INSR: variants seen among roughly 807,000 people sequenced by gnomAD.
INSR encodes IR.
In INSR, 67 loss-of-function variants were observed where a neutral mutation model predicts 142.6. The observed-to-expected ratio is 0.47, with a 90% CI of 0.39 to 0.58. The LOEUF is 0.58. Among genes scored for constraint, INSR ranks in the 20% least tolerant of loss-of-function variants. INSR has a pLI of 0.00. For synonymous variants in INSR, 756 were observed against 743.1 expected (o/e 1.02, Z -0.28); for missense variants, 1,248 against 1,833.2 (o/e 0.68, Z 5.83).
At chr19:7,203,620 C>T (rs1396756888) in intron 2 of INSR, among the ~76,000 whole-genome samples, 1 of 152,108 alleles carries the variant, frequency 6.6e-6, no homozygotes, top group Non-Finnish European at 1.5e-5. Flanking sequence ...CACAGGTTGA[C>T]AGTTTTCCCG....
In INSR at chr19:7,128,784, A is replaced by T. The variant is rs1972706580; in HGVS notation, c.2945+68T>A. The T allele has an allele frequency of 4.8e-6, 5 of 1,032,778 alleles. No individual in the cohort carries two copies. In the African/African-American group the frequency reaches 6.3e-5, roughly 13 times the overall value. 64.0% of individuals were successfully genotyped at this position (1,032,778 alleles called of 1,614,324 possible). A position where few individuals can be genotyped will look rare whatever the true frequency, so the allele number is the denominator to read the frequency against. Reference sequence around the variant, plus strand: ...AATAAACTTAAATATGCCTATACCTATATCAAGGCATGTTTTCCCCCAGAG... The same window carrying T: ...AATAAACTTAAATATGCCTATACCTTTATCAAGGCATGTTTTCCCCCAGAG... On this transcript the variant is annotated intron_variant, in intron 15 of 21. Transcript: ENST00000302850.
chr19:7,256,315 G>C (rs938763984), intron 2 of INSR, among the ~76,000 whole-genome samples: 5 of 152,030 alleles, frequency 3.3e-5, no homozygotes, highest in Admixed American at 1.3e-4. Context: ...CGGGTGTGGT[G>C]GTGGGCGCCT....
chr19:7,217,591 C>T lies in INSR; in HGVS notation c.653-32954G>A, dbSNP rs144791540. Among the ~76,000 whole-genome samples the T allele has an allele frequency of 4.8e-3, 727 of 152,310 alleles. 14 individuals are homozygous for T. The highest frequency in any genetic ancestry group is 0.046 in the East Asian group (239 of 5,188). On this transcript the variant is annotated intron_variant, in intron 2 of 21. Coordinates refer to ENST00000302850, the MANE Select transcript of INSR (RefSeq NM_000208.4). ...TTTTCTTTTTTGAGACGGAGTCTCG[C>T]TCTGTCTGCCAGGCTGGAGTGCAGT...
chr19:7,185,533 C>T (rs1308068737), intron 2 of INSR, among the ~76,000 whole-genome samples: 1 of 152,036 alleles, frequency 6.6e-6, no homozygotes, highest in Admixed American at 6.6e-5. Flanking sequence ...ATGGAGGAGA[C>T]ATGTTAGTTA....
At chr19:7,240,555 G>A (rs2145149147) in intron 2 of INSR, among the ~76,000 whole-genome samples, 1 of 152,320 alleles carries the variant, frequency 6.6e-6, no homozygotes, top group South Asian at 2.1e-4. Context: ...GGTGACAAGA[G>A]TGAAACTCGT....
In INSR at chr19:7,168,907, G is replaced by A. The variant is rs115273483; in HGVS notation, c.1484-813C>T. On this transcript the variant is annotated intron_variant, in intron 6 of 21. Transcript: ENST00000302850. This position sits in a 1 kb window ranked among gnomAD's most constrained non-coding sequence, Gnocchi z 4.3. Reference sequence around the variant, plus strand: ...GCGTGAGCCACCATGCCCAGCCCTTGCACTACATTTTGACATAAGTAACTA... The same window carrying A: ...GCGTGAGCCACCATGCCCAGCCCTTACACTACATTTTGACATAAGTAACTA... Among the ~76,000 whole-genome samples, 503 of 152,174 alleles carry A rather than the reference G, an allele frequency of 3.3e-3. 2 individuals are homozygous for A. Among genetic ancestry groups the A allele is most frequent in the African/African-American group, 0.011 (449 of 41,542 alleles).
chr19:7,222,901 G>A (rs1004241597), intron 2 of INSR, among the ~76,000 whole-genome samples: 2 of 152,160 alleles, frequency 1.3e-5, no homozygotes, highest in Non-Finnish European at 2.9e-5. Flanking sequence ...GGCTAAAACT[G>A]TCTGGGCACT....
intron 8 of INSR, among the ~76,000 whole-genome samples, chr19:7,165,557 C>A (rs1036702282): frequency 6.6e-5 from 10 of 152,006 alleles, no homozygotes; most frequent in Admixed American, 4.6e-4. Context: ...CCTCAATACC[C>A]AGCTCCTTTA....
intron 2 of INSR, among the ~76,000 whole-genome samples, chr19:7,233,884 G>A (rs146302736): frequency 2.7e-3 from 414 of 151,002 alleles, no homozygotes; most frequent in Non-Finnish European, 4.3e-3. Context: ...CACCATGTTC[G>A]CCAGGATGGT....
At chr19:7,152,579 C>T in intron 10 of INSR, 147 bp downstream of exon 10, 1 of 771,506 alleles carries the variant, frequency 1.3e-6, no homozygotes, top group Admixed American at 1.8e-5. Context: ...AAGATCTCTT[C>T]CTCCACCCAG....
At chr19:7,207,704 C>T (rs1975142768) in intron 2 of INSR, among the ~76,000 whole-genome samples, 1 of 152,000 alleles carries the variant, frequency 6.6e-6, no homozygotes, top group Non-Finnish European at 1.5e-5. Context: ...AGGAGGATCG[C>T]TTAAGACCAG....
intron 9 of INSR, among the ~76,000 whole-genome samples, chr19:7,156,570 C>G (rs890024147): frequency 1.3e-5 from 2 of 151,874 alleles, no homozygotes; most frequent in African/African-American, 4.8e-5. Context: ...CTGAAGTGCT[C>G]GGGACAGTCC....
chr19:7,213,134 A>T (rs919772652), intron 2 of INSR, among the ~76,000 whole-genome samples: 12 of 152,108 alleles, frequency 7.9e-5, no homozygotes, highest in African/African-American at 2.9e-4. Flanking sequence ...TCACGAGGTC[A>T]GGAGATCGAG....
rs1001536120 is a variant in INSR at position 7,275,420 on chromosome 19, AT to A, written c.101-7525del. ...TTTCCAGTAACAGAACTGAGTACTA[AT>A]TTTTTTTACATTTCCATGAATTAAA... On this transcript the variant is annotated intron_variant, in intron 1 of 21. Transcript: ENST00000302850. Among the ~76,000 whole-genome samples the A allele has an allele frequency of 2.6e-5, 4 of 152,074 alleles. No individual in the cohort carries two copies. In the East Asian group the frequency reaches 5.8e-4, roughly 22 times the overall value.
chr19:7,171,143 C>T (rs528756405), intron 5 of INSR, among the ~76,000 whole-genome samples: 14 of 152,234 alleles, frequency 9.2e-5, no homozygotes, highest in Non-Finnish European at 1.8e-4. Flanking sequence ...ACCAGACCCT[C>T]TAGTATATTG....
chr19:7,132,965 G>T (rs887931419), intron 13 of INSR, among the ~76,000 whole-genome samples: 1 of 151,916 alleles, frequency 6.6e-6, no homozygotes, highest in African/African-American at 2.4e-5. Flanking sequence ...ATTTTTAATT[G>T]ACAACAGTAT....
At chr19:7,123,353 G>C (rs1410076142) in intron 17 of INSR, among the ~76,000 whole-genome samples, 2 of 151,688 alleles carry the variant, frequency 1.3e-5, no homozygotes, top group Non-Finnish European at 2.9e-5. Flanking sequence ...ATTTTTAGTA[G>C]AGACAGGATT....
intron 12 of INSR, among the ~76,000 whole-genome samples, chr19:7,142,389 CAAA>C (rs34453877): frequency 4.3e-4 from 18 of 42,140 alleles, no homozygotes; most frequent in African/African-American, 1.3e-3. Context: ...GACTTCATCT[CAAA>C]AAAAAAAAAA....
At chr19:7,212,667 G>A (rs1278379173) in intron 2 of INSR, among the ~76,000 whole-genome samples, 1 of 151,932 alleles carries the variant, frequency 6.6e-6, no homozygotes, top group Non-Finnish European at 1.5e-5. Flanking sequence ...CTCACTGCAA[G>A]CTCTACCTCC....
Sources: allele counts gnomAD v4.1 joint callset (sites outside exome capture counted in the v4.1 genomes callset), GRCh38; gene constraint gnomAD v4.1.1; non-coding constraint Gnocchi (gnomAD v3.1); transcripts MANE v1.5; gene names NCBI Gene and HGNC (gene_info 2026-07-23, HGNC 2026-07-21).